Variants in ITSN1 observed in about 807,000 individuals in gnomAD.
ITSN1 encodes the protein intersectin 1.
In ITSN1, 58 loss-of-function variants were observed where a neutral mutation model predicts 239.8. That is an observed-to-expected ratio of 0.24 (90% CI 0.20 to 0.30). The LOEUF (loss-of-function observed/expected upper bound fraction) is 0.30. ITSN1 is among the 10% of genes least tolerant of loss of function. The probability of loss-of-function intolerance (pLI) is 1.00; values close to 1 mark genes in which losing one functional copy is unlikely to be tolerated. For synonymous variants in ITSN1, 780 were observed against 770.8 expected (o/e 1.01, Z -0.20); for missense variants, 1,558 against 2,103.3 (o/e 0.74, Z 5.07).
chr21:33,652,997 C>CT lies in ITSN1; in HGVS notation c.-33+10301dup, dbSNP rs774663981. Among the ~76,000 whole-genome samples, 1,144 of 137,054 alleles carry CT rather than the reference C, an allele frequency of 8.3e-3. 19 individuals are homozygous for CT. The highest frequency in any genetic ancestry group is 0.016 in the Admixed American group (222 of 13,688). The allele number at this position is 137,054 out of a possible 152,430, so 89.9% of individuals were successfully genotyped here. ...CTTAAAGTACTGTGACTGGGAAGTTCTTTTTTTTTTTTTTTTTGACAGAGT... is the reference window on the plus strand; with the variant it reads ...CTTAAAGTACTGTGACTGGGAAGTTCTTTTTTTTTTTTTTTTTTGACAGAGT... On this transcript the variant is annotated intron_variant, in intron 1 of 39. Coordinates refer to ENST00000381318, the MANE Select transcript of ITSN1 (RefSeq NM_003024.3).
intron 4 of ITSN1, among the ~76,000 whole-genome samples, chr21:33,732,729 T>C (rs2066265357): frequency 6.6e-6 from 1 of 152,158 alleles, no homozygotes; most frequent in South Asian, 2.1e-4. Context: ...AGGAGTCTGG[T>C]AGGATAGCTA....
chr21:33,733,593 C>T (rs2066320617), intron 4 of ITSN1, among the ~76,000 whole-genome samples: 1 of 142,140 alleles, frequency 7.0e-6, no homozygotes, highest in South Asian at 2.4e-4. Flanking sequence ...ATTTGTGATA[C>T]ACTATGAGCT....
intron 8 of ITSN1, among the ~76,000 whole-genome samples, chr21:33,761,179 G>A (rs1159184524): frequency 1.3e-5 from 2 of 151,894 alleles, no homozygotes; most frequent in African/African-American, 2.4e-5. Flanking sequence ...GGGCTCAAGC[G>A]ATCCTCCTAC....
chr21:33,880,855 T>C (rs1056753927), intron 34 of ITSN1, among the ~76,000 whole-genome samples: 9 of 152,054 alleles, frequency 5.9e-5, no homozygotes, highest in Non-Finnish European at 1.3e-4. Flanking sequence ...CTTGCTATCC[T>C]TGGCCTCTCC....
rs565349224 is a variant in ITSN1 at position 33,650,031 on chromosome 21, A to C, written c.-33+7318A>C. Among the ~76,000 whole-genome samples, 3 of 133,438 alleles carry C rather than the reference A, an allele frequency of 2.2e-5. No homozygotes were observed. The East Asian group carries it at 6.1e-4, about 27-fold the overall frequency. 87.5% of individuals were successfully genotyped at this position (133,438 alleles called of 152,430 possible). On this transcript the variant is annotated intron_variant, in intron 1 of 39. Coordinates refer to ENST00000381318, the MANE Select transcript of ITSN1 (RefSeq NM_003024.3). ...GCGACAGAGCGAGACTCTGTCTCAG[A>C]AAAAAAAAAAAAAAAGAAAGAAAGA...
rs768597698 is a variant in ITSN1, at chr21:33,772,148, G to A, written c.1130G>A (p.Arg377His). ...AGGCAAGCTCTCCTGGAACAGCAGCGCAAGGAGCAGGAGCGCCTGGCCCAG... is the reference window on the plus strand; with the variant it reads ...AGGCAAGCTCTCCTGGAACAGCAGCACAAGGAGCAGGAGCGCCTGGCCCAG... ...KRRQALLEQQ[R>H]KEQERLAQLE... Residue 377 changes from arginine (R) to histidine (H), a missense_variant, in exon 12 of 40, where the codon CGC (arginine) becomes CAC (histidine). This residue lies in a region of ITSN1 where 982 missense variants were observed against 1,209.9 expected (regional missense o/e 0.81). Coordinates refer to ENST00000381318, the MANE Select transcript of ITSN1 (RefSeq NM_003024.3). 27 of 1,614,112 alleles carry A rather than the reference G, an allele frequency of 1.7e-5. No individual in the cohort carries two copies. Among genetic ancestry groups the A allele is most frequent in the South Asian group, 4.4e-5 (4 of 91,094 alleles).
rs556076034 is a variant in ITSN1 at position 33,802,331 on chromosome 21, C to A, written c.2305-99C>A. On this transcript the variant is annotated intron_variant, in intron 19 of 39. Transcript: ENST00000381318. Reference sequence around the variant, plus strand: ...CTCGAATTGGCTAGTTAACCACCAGCTTGATGAGATGCGTAGAGTTTAGAT... The same window carrying A: ...CTCGAATTGGCTAGTTAACCACCAGATTGATGAGATGCGTAGAGTTTAGAT... 1.9e-5 allele frequency: 23 copies of A among 1,211,710 alleles called. No homozygotes were observed. In the Admixed American group the frequency reaches 4.2e-4, roughly 22 times the overall value. The allele number at this position is 1,211,710 out of a possible 1,614,324, so 75.1% of individuals were successfully genotyped here.
At chr21:33,826,709 G>T in intron 25 of ITSN1, 109 bp from the exon 26 acceptor site, 1 of 912,954 alleles carries the variant, frequency 1.1e-6, no homozygotes, top group East Asian at 2.4e-5. Flanking sequence ...TTCCCAGAAT[G>T]AAAAGTGGGG....
chr21:33,802,027 A>G (rs551175520), intron 19 of ITSN1, among the ~76,000 whole-genome samples: 1 of 152,362 alleles, frequency 6.6e-6, no homozygotes, highest in South Asian at 2.1e-4. Context: ...TATAATAGGA[A>G]TCTAAAATTT....
At chr21:33,648,361 T>C (rs747079118) in intron 1 of ITSN1, among the ~76,000 whole-genome samples, 7 of 152,198 alleles carry the variant, frequency 4.6e-5, no homozygotes, top group Non-Finnish European at 1.0e-4. Flanking sequence ...TCTGAGCAGA[T>C]TTTTACTGTA....
intron 11 of ITSN1, among the ~76,000 whole-genome samples, chr21:33,768,800 T>C (rs574563354): frequency 6.6e-6 from 1 of 152,238 alleles, no homozygotes; most frequent in Non-Finnish European, 1.5e-5. Flanking sequence ...TGTCCCAGTT[T>C]ATTGTCTAAA....
At position 33,865,480 on chromosome 21, in the gene ITSN1, TG is replaced by T. The variant is rs1313780416; in HGVS notation, c.4074+148del. 2 of 603,036 alleles carry T rather than the reference TG, an allele frequency of 3.3e-6. No homozygotes were observed. Among genetic ancestry groups the T allele is most frequent in the African/African-American group, 3.8e-5 (2 of 53,106 alleles). The allele number at this position is 603,036 out of a possible 1,614,324, so 37.4% of individuals were successfully genotyped here. A position where few individuals can be genotyped will look rare whatever the true frequency, so the allele number is the denominator to read the frequency against. On this transcript the variant is annotated intron_variant, in intron 32 of 39. Transcript: ENST00000381318. This position sits in a 1 kb window ranked among gnomAD's most constrained non-coding sequence, Gnocchi z 4.4. ...GGGTCTTGGCTAAGCCTTAGGGGACTGGCACTCACTGGCAAGTGTGGCTGTC... is the reference window on the plus strand; with the variant it reads ...GGGTCTTGGCTAAGCCTTAGGGGACTGCACTCACTGGCAAGTGTGGCTGTC...
At chr21:33,854,848 A>G (rs1339147797) in intron 29 of ITSN1, among the ~76,000 whole-genome samples, 9 of 151,890 alleles carry the variant, frequency 5.9e-5, no homozygotes, top group Non-Finnish European at 1.3e-4. Flanking sequence ...AGGGCAGGGG[A>G]CTCTGAGTGA....
intron 34 of ITSN1, among the ~76,000 whole-genome samples, chr21:33,878,008 T>TG (rs1984262078): frequency 1.4e-5 from 2 of 140,230 alleles, no homozygotes; most frequent in Non-Finnish European, 3.1e-5. Context: ...CTCTCTCTCT[T>TG]TGTGTGTGTG....
At chr21:33,877,978 C>G (rs1984239797) in intron 34 of ITSN1, among the ~76,000 whole-genome samples, 1 of 148,838 alleles carries the variant, frequency 6.7e-6, no homozygotes, top group African/African-American at 2.5e-5. Flanking sequence ...AGAAGTCTCT[C>G]TCTGTCTCTC....
At chr21:33,859,933 T>C (rs568733547) in intron 31 of ITSN1, among the ~76,000 whole-genome samples, 21 of 152,356 alleles carry the variant, frequency 1.4e-4, no homozygotes, top group Non-Finnish European at 2.6e-4. Context: ...TGTCACACCC[T>C]TGGGCTCACA....
At chr21:33,762,408 A>G (rs1377499084) in intron 9 of ITSN1, among the ~76,000 whole-genome samples, 2 of 151,712 alleles carry the variant, frequency 1.3e-5, no homozygotes, top group South Asian at 2.1e-4. Context: ...CTGGGATTAT[A>G]GGCATGCACC....
chr21:33,679,085 A>C (rs998227868), intron 1 of ITSN1, among the ~76,000 whole-genome samples: 8 of 152,172 alleles, frequency 5.3e-5, no homozygotes, highest in Non-Finnish European at 7.3e-5. Flanking sequence ...AGATTGTTTT[A>C]TCCTATAATT....
chr21:33,706,895 G>A (rs2092269074), intron 1 of ITSN1, among the ~76,000 whole-genome samples: 1 of 151,992 alleles, frequency 6.6e-6, no homozygotes, highest in Non-Finnish European at 1.5e-5. Context: ...GCTAATTTTT[G>A]TATTTTTAGT....
Sources: gnomAD v4.1 joint callset for allele counts (sites outside exome capture counted in the v4.1 genomes callset) on GRCh38, gnomAD v4.1.1 for gene constraint, gnomAD v4.1.1 regional missense constraint, Gnocchi (gnomAD v3.1) non-coding constraint, MANE v1.5 for transcripts, NCBI Gene and HGNC (gene_info 2026-07-23, HGNC 2026-07-21) for gene names.